Variants in LRRC75A observed in about 807,000 individuals in gnomAD.
LRRC75A encodes leucine rich repeat containing 75A, also known as leucine-rich repeat-containing protein 75A.
A neutral mutation model predicts 26.0 loss-of-function variants in LRRC75A; 12 were observed. The ratio of observed to expected loss-of-function variants is 0.46; its 90% confidence interval spans 0.30 to 0.75. The LOEUF (loss-of-function observed/expected upper bound fraction) is 0.75. LRRC75A is among the 30% of genes least tolerant of loss of function. The pLI, the probability that LRRC75A is intolerant of heterozygous loss-of-function variation, is 0.08. For missense variants in LRRC75A, 410 were observed against 486.6 expected (o/e 0.84, Z 1.48); for synonymous variants, 223 against 219.3 (o/e 1.02, Z -0.15).
intron 2 of LRRC75A, among the ~76,000 whole-genome samples, chr17:16,459,519 T>C (rs1467502044): frequency 6.6e-6 from 1 of 152,054 alleles, no homozygotes; most frequent in Non-Finnish European, 1.5e-5. Context: ...GCTCGCAGGG[T>C]GGCAAGTGGG....
At chr17:16,461,462 G>T (rs888048243) in intron 2 of LRRC75A, among the ~76,000 whole-genome samples, 3 of 152,218 alleles carry the variant, frequency 2.0e-5, no homozygotes, top group Non-Finnish European at 4.4e-5. Flanking sequence ...TCCCCTTCCC[G>T]CCAGGTCGGG....
intron 2 of LRRC75A, among the ~76,000 whole-genome samples, chr17:16,451,756 T>C (rs1445746834): frequency 6.7e-6 from 1 of 150,072 alleles, no homozygotes; most frequent in African/African-American, 2.5e-5. Flanking sequence ...TTTTTTTTCT[T>C]TTTTTTGAGA....
In LRRC75A at chr17:16,462,221, C is replaced by A; in HGVS notation, c.375+37G>T. ...GCCCAGAAAGGCACCCACCGCACAC[C>A]CCGGGACCTGGCTGGCTCGGACCAC... On this transcript the variant is annotated intron_variant, in intron 2 of 3. Coordinates refer to ENST00000470794, the MANE Select transcript of LRRC75A (RefSeq NM_001113567.3). This position sits in a 1 kb window ranked among gnomAD's most constrained non-coding sequence, Gnocchi z 4.6. The A allele has an allele frequency of 6.2e-7, 1 of 1,612,808 alleles. No homozygotes were observed. Among genetic ancestry groups the A allele is most frequent in the Non-Finnish European group, 8.5e-7 (1 of 1,179,382 alleles).
intron 2 of LRRC75A, among the ~76,000 whole-genome samples, chr17:16,450,275 GAGGA>G (rs1332508968): frequency 6.6e-6 from 1 of 152,236 alleles, no homozygotes; most frequent in African/African-American, 2.4e-5. Flanking sequence ...AGGAGACTCT[GAGGA>G]AGGGGGACAA....
intron 1 of LRRC75A, among the ~76,000 whole-genome samples, chr17:16,474,761 G>A (rs142515608): frequency 0.014 from 2,185 of 152,086 alleles, 65 homozygotes; most frequent in African/African-American, 0.05. Flanking sequence ...TTGGGAGGCC[G>A]AGGCAGGTGG....
At chr17:16,448,192 T>G in intron 2 of LRRC75A, 1 of 506,464 alleles carries the variant, frequency 2.0e-6, no homozygotes. Flanking sequence ...AACAGATTTA[T>G]GTAAGTCTGG....
chr17:16,460,248 T>C (rs1045029469), intron 2 of LRRC75A, among the ~76,000 whole-genome samples: 3 of 152,202 alleles, frequency 2.0e-5, no homozygotes, highest in African/African-American at 7.2e-5. Flanking sequence ...GATAAATTTC[T>C]ACTGTTTGTA....
At chr17:16,446,608 CATT>C in intron 3 of LRRC75A, among the ~76,000 whole-genome samples, 1 of 152,064 alleles carries the variant, frequency 6.6e-6, no homozygotes, top group Non-Finnish European at 1.5e-5. Flanking sequence ...GCTTGGATTT[CATT>C]CAGGTGCCAT....
At chr17:16,489,389 C>T (rs557780371) in intron 1 of LRRC75A, among the ~76,000 whole-genome samples, 2 of 152,170 alleles carry the variant, frequency 1.3e-5, no homozygotes, top group Non-Finnish European at 2.9e-5. Context: ...TTTGCAGACC[C>T]CTGTCTTTAC....
At position 16,462,910 on chromosome 17, in the gene LRRC75A, G is replaced by C. The variant is rs1013973548; in HGVS notation, c.247-524C>G. 1 of 159,950 alleles carries C rather than the reference G, an allele frequency of 6.3e-6. No homozygotes were observed. Among genetic ancestry groups the C allele is most frequent in the African/African-American group, 2.4e-5 (1 of 41,498 alleles). 9.9% of individuals were successfully genotyped at this position (159,950 alleles called of 1,614,324 possible). On this transcript the variant is annotated intron_variant, in intron 1 of 3. Coordinates refer to ENST00000470794, the MANE Select transcript of LRRC75A (RefSeq NM_001113567.3). The surrounding 1 kb of genome is among the most constrained non-coding windows in gnomAD (Gnocchi z 4.6). Reference sequence around the variant, plus strand: ...GTAAGCAGATCCTGCCAGGCACCCAGAAGGAAACCTCATCAGGACTCCCTC... The same window carrying C: ...GTAAGCAGATCCTGCCAGGCACCCACAAGGAAACCTCATCAGGACTCCCTC...
At chr17:16,459,479 AGAG>A (rs1337731412) in intron 2 of LRRC75A, among the ~76,000 whole-genome samples, 1 of 152,150 alleles carries the variant, frequency 6.6e-6, no homozygotes, top group Non-Finnish European at 1.5e-5. Flanking sequence ...TGTCAGGAAC[AGAG>A]GAGGGAGGCC....
chr17:16,462,153 C>T lies in LRRC75A; in HGVS notation c.375+105G>A. Reference sequence around the variant, plus strand: ...GTGCCTGGAGGACGGGCTTGTCCTCCTTGGGCCTGTCTGCCAGTCCTCCTT... The same window carrying T: ...GTGCCTGGAGGACGGGCTTGTCCTCTTTGGGCCTGTCTGCCAGTCCTCCTT... On this transcript the variant is annotated intron_variant, in intron 2 of 3. Coordinates refer to ENST00000470794, the MANE Select transcript of LRRC75A (RefSeq NM_001113567.3). This position sits in a 1 kb window ranked among gnomAD's most constrained non-coding sequence, Gnocchi z 4.6. 7.5e-7 allele frequency: 1 copy of T among 1,340,202 alleles called. No individual in the cohort carries two copies. Among genetic ancestry groups the T allele is most frequent in the Non-Finnish European group, 1.0e-6 (1 of 980,692 alleles). The allele number at this position is 1,340,202 out of a possible 1,614,324, so 83.0% of individuals were successfully genotyped here. A position where few individuals can be genotyped will look rare whatever the true frequency, so the allele number is the denominator to read the frequency against.
chr17:16,456,426 G>A (rs1261087319), intron 2 of LRRC75A, among the ~76,000 whole-genome samples: 1 of 148,818 alleles, frequency 6.7e-6, no homozygotes, highest in Non-Finnish European at 1.5e-5. Flanking sequence ...AGGAAGAGGA[G>A]CAGAAGAAGG....
intron 2 of LRRC75A, among the ~76,000 whole-genome samples, chr17:16,458,300 CTG>C (rs901475464): frequency 1.3e-4 from 20 of 152,022 alleles, no homozygotes; most frequent in African/African-American, 4.8e-4. Context: ...CAGCGAGACT[CTG>C]TCAAAAGAAA....
At chr17:16,454,908 ATTTCTTTTCT>A (rs146176252) in intron 2 of LRRC75A, among the ~76,000 whole-genome samples, 26 of 147,762 alleles carry the variant, frequency 1.8e-4, no homozygotes, top group East Asian at 4.0e-4. Flanking sequence ...AAGGGTCCTC[ATTTCTTTTCT>A]TTTCTTTTCT....
intron 1 of LRRC75A, among the ~76,000 whole-genome samples, chr17:16,472,996 A>G (rs1428663299): frequency 6.6e-6 from 1 of 152,190 alleles, no homozygotes; most frequent in African/African-American, 2.4e-5. Context: ...TTGAACATCG[A>G]CATTTAAATG....
chr17:16,478,190 T>C (rs1258245802), intron 1 of LRRC75A, among the ~76,000 whole-genome samples: 8 of 150,094 alleles, frequency 5.3e-5, no homozygotes, highest in African/African-American at 1.7e-4. Flanking sequence ...TCTTTTTTTT[T>C]CTTTTTTTTT....
intron 2 of LRRC75A, among the ~76,000 whole-genome samples, chr17:16,450,341 T>C (rs765793428): frequency 6.6e-6 from 1 of 152,008 alleles, no homozygotes; most frequent in African/African-American, 2.4e-5. Context: ...GAGAGAGGCA[T>C]CTGTGGAGGG....
In LRRC75A at chr17:16,443,282, C is replaced by T. The variant is rs542871997; in HGVS notation, c.*306G>A. 1 of 379,650 alleles carries T rather than the reference C, an allele frequency of 2.6e-6. No homozygotes were observed. The highest frequency in any genetic ancestry group is 4.1e-5 in the East Asian group (1 of 24,688). 23.5% of individuals were successfully genotyped at this position (379,650 alleles called of 1,614,324 possible). On this transcript the variant is annotated 3_prime_UTR_variant, in exon 4 of 4. Coordinates refer to ENST00000470794, the MANE Select transcript of LRRC75A (RefSeq NM_001113567.3). Reference sequence around the variant, plus strand: ...GGCTCAGGCTTACAGTACCTCCAGCCATGTGCCCATTTCCACAAGTCTTTG... The same window carrying T: ...GGCTCAGGCTTACAGTACCTCCAGCTATGTGCCCATTTCCACAAGTCTTTG...
Sources: allele counts gnomAD v4.1 joint callset (sites outside exome capture counted in the v4.1 genomes callset), GRCh38; gene constraint gnomAD v4.1.1; non-coding constraint Gnocchi (gnomAD v3.1); transcripts MANE v1.5; gene names NCBI Gene and HGNC (gene_info 2026-07-23, HGNC 2026-07-21).